PLXDC2: variants seen among roughly 807,000 people sequenced by gnomAD.
PLXDC2 encodes the protein plexin domain-containing protein 2.
A neutral mutation model predicts 68.9 loss-of-function variants in PLXDC2; 40 were observed. The ratio of observed to expected loss-of-function variants is 0.58; its 90% CI spans 0.45 to 0.76. The LOEUF (loss-of-function observed/expected upper bound fraction) is 0.76. Ranked by LOEUF, PLXDC2 falls within the 30% of genes least tolerant of loss-of-function variation. The probability of loss-of-function intolerance (pLI) is 0.00; values close to 1 mark genes in which losing one functional copy is unlikely to be tolerated. For missense variants in PLXDC2, 644 were observed against 661.9 expected (o/e 0.97, Z 0.30); for synonymous variants, 243 against 234.2 (o/e 1.04, Z -0.34).
In PLXDC2 at chr10:19,915,885, A is replaced by AG. The variant is rs35791870; in HGVS notation, c.113-85890_113-85889insG. Among the ~76,000 whole-genome samples the AG allele has an allele frequency of 8.5e-3, 1,288 of 151,606 alleles. 11 individuals carry two copies. Among genetic ancestry groups the AG allele is most frequent in the Non-Finnish European group, 0.012 (831 of 67,776 alleles). Reference sequence around the variant, plus strand: ...AAAAAGAAGAAGAAGAAGAAGAAGAAAAAAAACAGCTGCTGTAGCCTCTGC... The same window carrying AG: ...AAAAAGAAGAAGAAGAAGAAGAAGAAGAAAAAACAGCTGCTGTAGCCTCTGC... On this transcript the variant is annotated intron_variant, in intron 1 of 13. Coordinates refer to ENST00000377252, the MANE Select transcript of PLXDC2 (RefSeq NM_032812.9).
At chr10:19,891,961 C>T (rs548011510) in intron 1 of PLXDC2, among the ~76,000 whole-genome samples, 1 of 152,138 alleles carries the variant, frequency 6.6e-6, no homozygotes, top group Non-Finnish European at 1.5e-5. Flanking sequence ...ATCATTCCCT[C>T]TTAATTTGCT....
At chr10:20,126,201 A>T (rs1332776609) in intron 4 of PLXDC2, among the ~76,000 whole-genome samples, 1 of 144,474 alleles carries the variant, frequency 6.9e-6, no homozygotes, top group Non-Finnish European at 1.5e-5. Flanking sequence ...ATATATGTAT[A>T]CACACACATA....
chr10:19,838,680 T>G (rs1017035263), intron 1 of PLXDC2, among the ~76,000 whole-genome samples: 5 of 152,254 alleles, frequency 3.3e-5, no homozygotes, highest in Non-Finnish European at 7.3e-5. Flanking sequence ...CAGTTCCATC[T>G]GAATTATGCT....
intron 1 of PLXDC2, among the ~76,000 whole-genome samples, chr10:19,819,937 A>G (rs532447844): frequency 6.6e-5 from 10 of 152,370 alleles, no homozygotes; most frequent in Non-Finnish European, 1.0e-4. Flanking sequence ...TGTAAAATGG[A>G]CATCTGTCAT....
intron 1 of PLXDC2, among the ~76,000 whole-genome samples, chr10:19,859,681 A>C (rs1003681064): frequency 2.2e-4 from 34 of 152,092 alleles, no homozygotes; most frequent in African/African-American, 7.5e-4. Context: ...CATCCAACTC[A>C]ATGGATTTTT....
intron 2 of PLXDC2, among the ~76,000 whole-genome samples, chr10:20,003,244 C>T (rs1025317470): frequency 1.3e-5 from 2 of 152,230 alleles, no homozygotes; most frequent in East Asian, 1.9e-4. Flanking sequence ...CAAATGAGAA[C>T]AAACAGAGGT....
At chr10:20,263,481 T>C (rs1403877970) in intron 13 of PLXDC2, among the ~76,000 whole-genome samples, 3 of 152,058 alleles carry the variant, frequency 2.0e-5, no homozygotes, top group African/African-American at 7.2e-5. Context: ...CAAAAGCAAT[T>C]GTAACAAAAG....
rs1481287951 is a variant in PLXDC2, at chr10:19,992,212, A to G, written c.113-9563A>G. ...GTACAAAAACTAGACACTTAGCTAA[A>G]CTGGAGGGTAGTAGACTTTTCTAGG... On this transcript the variant is annotated intron_variant, in intron 1 of 13. Coordinates refer to ENST00000377252, the MANE Select transcript of PLXDC2 (RefSeq NM_032812.9). Among the ~76,000 whole-genome samples, 3 of 152,208 alleles carry G rather than the reference A, an allele frequency of 2.0e-5. No homozygotes were observed. In the East Asian group the frequency reaches 5.8e-4, roughly 29 times the overall value.
chr10:20,201,523 C>T (rs1159977008), intron 9 of PLXDC2, among the ~76,000 whole-genome samples: 1 of 151,572 alleles, frequency 6.6e-6, no homozygotes, highest in Non-Finnish European at 1.5e-5. Context: ...AACTATATAA[C>T]AATATAACAT....
At chr10:20,004,546 A>C (rs1162215132) in intron 2 of PLXDC2, among the ~76,000 whole-genome samples, 1 of 152,164 alleles carries the variant, frequency 6.6e-6, no homozygotes, top group Non-Finnish European at 1.5e-5. Flanking sequence ...ATTGAAAGGG[A>C]AAAACACATC....
intron 1 of PLXDC2, among the ~76,000 whole-genome samples, chr10:19,837,284 A>T (rs1470667202): frequency 6.6e-6 from 1 of 152,160 alleles, no homozygotes; most frequent in Non-Finnish European, 1.5e-5. Flanking sequence ...CAAAAGTTAA[A>T]ACACATAAGC....
chr10:19,819,985 C>G (rs1272720629), intron 1 of PLXDC2, among the ~76,000 whole-genome samples: 1 of 152,190 alleles, frequency 6.6e-6, no homozygotes, highest in East Asian at 1.9e-4. Flanking sequence ...TTTTATCAAT[C>G]AATGACTTGA....
intron 1 of PLXDC2, among the ~76,000 whole-genome samples, chr10:19,840,261 A>G (rs1352823182): frequency 1.3e-5 from 2 of 152,172 alleles, no homozygotes; most frequent in South Asian, 2.1e-4. Context: ...TCATTTGGCT[A>G]CAGAGAAGGG....
At chr10:19,979,357 GTCTATCAATAGATAGATAGATAGATT>G (rs1331493685) in intron 1 of PLXDC2, among the ~76,000 whole-genome samples, 13 of 151,244 alleles carry the variant, frequency 8.6e-5, no homozygotes, top group Non-Finnish European at 1.6e-4. Flanking sequence ...CCTTTCATCT[GTCTATCAATAGATAGATAGATAGATT>G]TTTTTTTTTT....
chr10:19,922,615 C>T (rs1429962828), intron 1 of PLXDC2, among the ~76,000 whole-genome samples: 1 of 152,098 alleles, frequency 6.6e-6, no homozygotes, highest in Non-Finnish European at 1.5e-5. Context: ...ATAGATGCTA[C>T]CACATTTACT....
intron 9 of PLXDC2, among the ~76,000 whole-genome samples, chr10:20,205,802 A>T (rs1449089218): frequency 6.6e-6 from 1 of 152,088 alleles, no homozygotes; most frequent in Non-Finnish European, 1.5e-5. Context: ...ACCTCATCTT[A>T]CAGATGAGGA....
intron 3 of PLXDC2, among the ~76,000 whole-genome samples, chr10:20,053,568 T>G (rs1222731011): frequency 6.6e-6 from 1 of 152,134 alleles, no homozygotes; most frequent in East Asian, 1.9e-4. Flanking sequence ...ACATTTCAAA[T>G]TCCACGTTTT....
chr10:20,152,370 G>A (rs1039300589), intron 6 of PLXDC2, among the ~76,000 whole-genome samples: 1 of 152,040 alleles, frequency 6.6e-6, no homozygotes, highest in Non-Finnish European at 1.5e-5. Context: ...TGGAGGCATG[G>A]ATTCCCTTAA....
At chr10:19,933,492 G>T (rs371659129) in intron 1 of PLXDC2, among the ~76,000 whole-genome samples, 1 of 151,864 alleles carries the variant, frequency 6.6e-6, no homozygotes, top group Non-Finnish European at 1.5e-5. Context: ...AAATTAGCTG[G>T]GCATGATGGT....
Sources: gnomAD v4.1 joint callset for allele counts (sites outside exome capture counted in the v4.1 genomes callset) on GRCh38, gnomAD v4.1.1 for gene constraint, MANE v1.5 for transcripts, NCBI Gene and HGNC (gene_info 2026-07-23, HGNC 2026-07-21) for gene names.